ACOXL: variants seen among roughly 807,000 people sequenced by gnomAD.
ACOXL encodes the protein acyl-CoA oxidase like.
Under a neutral mutation model 71.9 loss-of-function variants are expected in ACOXL, and 70 were observed. The observed-to-expected ratio is 0.97, with a 90% CI of 0.80 to 1.19. The LOEUF (loss-of-function observed/expected upper bound fraction) is 1.19, where lower values mean the gene tolerates loss of function less well. Among genes scored for constraint, ACOXL ranks in the 50% most tolerant of loss-of-function variants. The pLI is 0.00. For missense variants in ACOXL, 703 were observed against 736.3 expected (o/e 0.95, Z 0.52); for synonymous variants, 253 against 281.6 (o/e 0.90, Z 1.02).
At chr2:110,740,002 G>C (rs929262432) in intron 1 of ACOXL, among the ~76,000 whole-genome samples, 1 of 152,216 alleles carries the variant, frequency 6.6e-6, no homozygotes, top group Non-Finnish European at 1.5e-5. Flanking sequence ...TTATGTGTTA[G>C]TGTAGAAAGG....
intron 1 of ACOXL, among the ~76,000 whole-genome samples, chr2:110,739,549 C>G (rs1677254341): frequency 6.6e-6 from 1 of 152,212 alleles, no homozygotes; most frequent in South Asian, 2.1e-4. Context: ...TTGGCTGCAC[C>G]CTGTGCATTG....
At chr2:110,854,729 T>A (rs1418798506) in intron 10 of ACOXL, among the ~76,000 whole-genome samples, 1 of 152,220 alleles carries the variant, frequency 6.6e-6, no homozygotes, top group African/African-American at 2.4e-5. Flanking sequence ...AAGCTCTTGC[T>A]TAACCCAAGG....
chr2:110,952,574 G>A (rs772088897), intron 12 of ACOXL, among the ~76,000 whole-genome samples: 7 of 152,076 alleles, frequency 4.6e-5, no homozygotes, highest in South Asian at 4.1e-4. Context: ...CCCAAGTAGC[G>A]TAGCTGGTAT....
chr2:111,070,142 A>G (rs2067271413), intron 16 of ACOXL, among the ~76,000 whole-genome samples: 1 of 152,086 alleles, frequency 6.6e-6, no homozygotes, highest in Non-Finnish European at 1.5e-5. Context: ...CAGCAAACCC[A>G]TTACTAGGTA....
At chr2:110,786,996 A>G (rs1235017963) in intron 3 of ACOXL, among the ~76,000 whole-genome samples, 6 of 152,006 alleles carry the variant, frequency 3.9e-5, no homozygotes. Flanking sequence ...TGTATTGGAA[A>G]TATTCAGGGA....
At chr2:110,738,741 G>C (rs1303129643) in intron 1 of ACOXL, among the ~76,000 whole-genome samples, 1 of 152,146 alleles carries the variant, frequency 6.6e-6, no homozygotes, top group African/African-American at 2.4e-5. Context: ...CTTGTGTTCA[G>C]TTATCTGTAC....
At chr2:111,008,134 CTT>C (rs138817809) in intron 14 of ACOXL, among the ~76,000 whole-genome samples, 10 of 152,210 alleles carry the variant, frequency 6.6e-5, no homozygotes, top group Admixed American at 3.9e-4. Flanking sequence ...TTTAATTAGC[CTT>C]TTTTTCCCCC....
rs181685106 is a variant in ACOXL, at chr2:110,826,612, C to G, written c.754-14759C>G. Among the ~76,000 whole-genome samples the G allele has an allele frequency of 7.9e-5, 12 of 152,310 alleles. No homozygotes were observed. The East Asian group carries it at 1.4e-3, about 17-fold the overall frequency. ...TGGCCTGTTTCCACATACAGAGAAGCACACTTTGTTGTTGGTGGCCATTGA... is the reference window on the plus strand; with the variant it reads ...TGGCCTGTTTCCACATACAGAGAAGGACACTTTGTTGTTGGTGGCCATTGA... On this transcript the variant is annotated intron_variant, in intron 9 of 17. Transcript: ENST00000439055.
intron 12 of ACOXL, among the ~76,000 whole-genome samples, chr2:110,977,172 G>A (rs1345163846): frequency 3.3e-5 from 5 of 152,102 alleles, no homozygotes; most frequent in Non-Finnish European, 7.4e-5. Flanking sequence ...GGATCACGAG[G>A]TCAGGAGATT....
At chr2:110,940,398 T>C (rs909837866) in intron 12 of ACOXL, among the ~76,000 whole-genome samples, 4 of 152,244 alleles carry the variant, frequency 2.6e-5, no homozygotes, top group African/African-American at 9.6e-5. Context: ...ATCTGGCTTC[T>C]GTTGAGACCA....
At chr2:110,845,717 T>A (rs1691752581) in intron 10 of ACOXL, among the ~76,000 whole-genome samples, 1 of 152,230 alleles carries the variant, frequency 6.6e-6, no homozygotes, top group Non-Finnish European at 1.5e-5. Context: ...TTATTTAACT[T>A]AGCATAATTC....
At position 110,821,151 on chromosome 2, in the gene ACOXL, G is replaced by A. The variant is rs760329196; in HGVS notation, c.753+15756G>A. 7.2e-5 allele frequency among the ~76,000 whole-genome samples: 11 copies of A among 152,338 alleles called. No individual in the cohort carries two copies. In the South Asian group the frequency reaches 1.0e-3, roughly 14 times the overall value. On this transcript the variant is annotated intron_variant, in intron 9 of 17. Transcript: ENST00000439055. ...TCTCAAAGCCCCTGGTTCCATGGTC[G>A]TGTGGCAGGGGAGGCCCTGCCCTTC...
chr2:111,105,396 T>C (rs1031932388), intron 17 of ACOXL, among the ~76,000 whole-genome samples: 9 of 152,084 alleles, frequency 5.9e-5, no homozygotes, highest in Non-Finnish European at 4.4e-5. Flanking sequence ...AGGTATTGCA[T>C]TAAACCTGTA....
intron 3 of ACOXL, among the ~76,000 whole-genome samples, chr2:110,791,299 T>C (rs906089426): frequency 1.3e-5 from 2 of 152,248 alleles, no homozygotes; most frequent in Non-Finnish European, 2.9e-5. Context: ...AGACATTTAG[T>C]GAATGGGGGC....
intron 16 of ACOXL, among the ~76,000 whole-genome samples, chr2:111,053,772 G>A (rs1444170730): frequency 6.6e-6 from 1 of 152,212 alleles, no homozygotes; most frequent in Non-Finnish European, 1.5e-5. Flanking sequence ...CAATTTGGGT[G>A]GGAGATAGCC....
chr2:110,791,071 G>T (rs907645670), intron 3 of ACOXL, among the ~76,000 whole-genome samples: 4 of 152,246 alleles, frequency 2.6e-5, no homozygotes, highest in African/African-American at 9.6e-5. Flanking sequence ...AGCATGTCAG[G>T]CCAGGGAGCC....
rs1201036064 is a variant in ACOXL at position 111,117,930 on chromosome 2, G to A, written c.*114G>A. The A allele has an allele frequency of 1.6e-6, 2 of 1,278,568 alleles. No homozygotes were observed. The highest frequency in any genetic ancestry group is 1.5e-5 in the South Asian group (1 of 65,290). The allele number at this position is 1,278,568 out of a possible 1,614,324, so 79.2% of individuals were successfully genotyped here. A position where few individuals can be genotyped will look rare whatever the true frequency, so the allele number is the denominator to read the frequency against. Reference sequence around the variant, plus strand: ...TGGCACCCGCTGGGCCGCCACTCTCGGGGATTTTGGTGGCAAAGCGGAGGT... The same window carrying A: ...TGGCACCCGCTGGGCCGCCACTCTCAGGGATTTTGGTGGCAAAGCGGAGGT... On this transcript the variant is annotated 3_prime_UTR_variant, in exon 18 of 18. Transcript: ENST00000439055.
intron 12 of ACOXL, among the ~76,000 whole-genome samples, chr2:110,962,960 A>G (rs2061760439): frequency 6.6e-6 from 1 of 152,222 alleles, no homozygotes; most frequent in Non-Finnish European, 1.5e-5. Flanking sequence ...CCTGGGACCC[A>G]CACAAAGACA....
chr2:111,029,269 G>GT (rs1015608032), intron 14 of ACOXL, among the ~76,000 whole-genome samples: 10 of 152,102 alleles, frequency 6.6e-5, no homozygotes, highest in African/African-American at 2.2e-4. Context: ...TCGTATTAAG[G>GT]TTTTTTTAAG....
Sources: allele counts gnomAD v4.1 joint callset (sites outside exome capture counted in the v4.1 genomes callset), GRCh38; gene constraint gnomAD v4.1.1; transcripts MANE v1.5; gene names NCBI Gene and HGNC (gene_info 2026-07-23, HGNC 2026-07-21).